The following ZFYVE9 variants were observed in gnomAD, a reference collection of about 807,000 sequenced individuals.
ZFYVE9 encodes the protein zinc finger FYVE-type containing 9.
A neutral mutation model predicts 126.7 loss-of-function variants in ZFYVE9; 43 were observed. The ratio of observed to expected loss-of-function variants is 0.34; its 90% CI spans 0.27 to 0.44. The LOEUF (loss-of-function observed/expected upper bound fraction) is 0.44, where lower values mean the gene tolerates loss of function less well. ZFYVE9 is among the 20% of genes least tolerant of loss of function. The probability of loss-of-function intolerance (pLI) is 1.00; values close to 1 mark genes in which losing one functional copy is unlikely to be tolerated. For missense variants in ZFYVE9, 1,476 were observed against 1,697.0 expected (o/e 0.87, Z 2.29); for synonymous variants, 521 against 597.4 (o/e 0.87, Z 1.87).
chr1:52,204,838 A>C (rs1406913939), intron 1 of ZFYVE9, among the ~76,000 whole-genome samples: 1 of 152,120 alleles, frequency 6.6e-6, no homozygotes, highest in Non-Finnish European at 1.5e-5. Context: ...ATGCTGTGAG[A>C]TCTAGGTCAA....
At chr1:52,181,695 C>A (rs1218531869) in intron 1 of ZFYVE9, among the ~76,000 whole-genome samples, 1 of 151,806 alleles carries the variant, frequency 6.6e-6, no homozygotes, top group Non-Finnish European at 1.5e-5. Context: ...TCTGCCCGGC[C>A]GCCCATCGTC....
intron 15 of ZFYVE9, among the ~76,000 whole-genome samples, chr1:52,336,115 CAG>C (rs1283068823): frequency 6.6e-6 from 1 of 151,014 alleles, no homozygotes; most frequent in Non-Finnish European, 1.5e-5. Context: ...GCCTGGGCGA[CAG>C]AGTGAGACTC....
intron 17 of ZFYVE9, among the ~76,000 whole-genome samples, chr1:52,343,394 C>T (rs767827229): frequency 1.5e-4 from 23 of 151,184 alleles, no homozygotes; most frequent in Non-Finnish European, 2.5e-4. Flanking sequence ...TGCAGTGAGC[C>T]GAGATCGTGC....
intron 17 of ZFYVE9, among the ~76,000 whole-genome samples, chr1:52,341,230 A>G (rs573171274): frequency 1.3e-4 from 20 of 152,380 alleles, no homozygotes; most frequent in African/African-American, 4.6e-4. Context: ...CCAAAAACAA[A>G]CAAACAAAAC....
intron 7 of ZFYVE9, among the ~76,000 whole-genome samples, chr1:52,273,910 C>T (rs1207600898): frequency 2.0e-5 from 3 of 151,538 alleles, no homozygotes; most frequent in African/African-American, 4.8e-5. Context: ...GATTTTTTTC[C>T]CTTTTTTATT....
Position 52,173,530 on chromosome 1 carries a change from G to A in ZFYVE9, c.-143+31127G>A, listed in dbSNP as rs1439596643. On this transcript the variant is annotated intron_variant, in intron 1 of 18. Transcript: ENST00000287727. ...TGCTGGCCTCATAAAATGAGTTAGGGAGGGTTCCCTCTTTTTCTGTTGATT... is the reference window on the plus strand; with the variant it reads ...TGCTGGCCTCATAAAATGAGTTAGGAAGGGTTCCCTCTTTTTCTGTTGATT... Among the ~76,000 whole-genome samples the A allele has an allele frequency of 3.9e-5, 6 of 152,288 alleles. No individual in the cohort carries two copies. The East Asian group carries it at 1.2e-3, about 29-fold the overall frequency.
At chr1:52,304,828 C>G (rs1462282776) in intron 13 of ZFYVE9, among the ~76,000 whole-genome samples, 1 of 151,504 alleles carries the variant, frequency 6.6e-6, no homozygotes, top group Non-Finnish European at 1.5e-5. Context: ...AAAATAGTAG[C>G]TAGAATGTGT....
intron 1 of ZFYVE9, among the ~76,000 whole-genome samples, chr1:52,155,992 T>C (rs1460317992): frequency 6.6e-6 from 1 of 152,192 alleles, no homozygotes; most frequent in East Asian, 1.9e-4. Context: ...ACCAAGTTCT[T>C]CAGTATGCTA....
At chr1:52,152,096 TCTC>T (rs770608614) in intron 1 of ZFYVE9, among the ~76,000 whole-genome samples, 4 of 152,114 alleles carry the variant, frequency 2.6e-5, no homozygotes, top group African/African-American at 4.8e-5. Context: ...TTCAAATAAT[TCTC>T]CTGCCTCAGC....
At chr1:52,268,719 C>T (rs1645658491) in intron 7 of ZFYVE9, 87 bp downstream of exon 7, 2 of 1,480,520 alleles carry the variant, frequency 1.4e-6, no homozygotes, top group Admixed American at 2.1e-5. Context: ...GTGTGGAACT[C>T]TGTAGGTTTT....
intron 7 of ZFYVE9, among the ~76,000 whole-genome samples, chr1:52,269,794 G>GT (rs201237685): frequency 0.019 from 2,726 of 143,816 alleles, 85 homozygotes; most frequent in East Asian, 0.12. Flanking sequence ...GTTTGTTTTG[G>GT]TTTTTTTTTT....
At chr1:52,283,637 GT>G (rs1402994163) in intron 10 of ZFYVE9, among the ~76,000 whole-genome samples, 1 of 152,152 alleles carries the variant, frequency 6.6e-6, no homozygotes, top group Non-Finnish European at 1.5e-5. Flanking sequence ...CATTTATATG[GT>G]TTTCTAAAAC....
In ZFYVE9 at chr1:52,181,852, G is replaced by GC. The variant is rs923483484; in HGVS notation, c.-142-34513dup. ...CGAGGAGCCCCTCCGCCCTGCAGCC[G>GC]CCCCGTCTGAGAAGCGAGGAGCCCC... is the stretch of plus-strand genomic sequence containing the variant. On this transcript the variant is annotated intron_variant, in intron 1 of 18. Transcript: ENST00000287727. Among the ~76,000 whole-genome samples the GC allele has an allele frequency of 5.5e-5, 8 of 145,894 alleles. 1 individual carries two copies. The highest frequency in any genetic ancestry group is 2.1e-4 in the African/African-American group (8 of 39,008).
chr1:52,198,128 T>G lies in ZFYVE9; in HGVS notation c.-142-18241T>G, dbSNP rs538131150. Among the ~76,000 whole-genome samples, 56 of 133,252 alleles carry G rather than the reference T, an allele frequency of 4.2e-4. 2 individuals are homozygous for G. The highest frequency in any genetic ancestry group is 1.4e-3 in the African/African-American group (52 of 36,614). 87.4% of individuals were successfully genotyped at this position (133,252 alleles called of 152,430 possible). The stretch of plus-strand genomic sequence containing the variant: ...TTGTAGTGTTTTTTTTTGTTTGTTT[T>G]TTTTTTTTTTTGAGATGGAGTCTCA... On this transcript the variant is annotated intron_variant, in intron 1 of 18. Transcript: ENST00000287727.
At chr1:52,324,059 CAAA>C (rs924630491) in intron 13 of ZFYVE9, among the ~76,000 whole-genome samples, 1 of 131,832 alleles carries the variant, frequency 7.6e-6, no homozygotes. Context: ...GACTCAGTCT[CAAA>C]AAAAAAAAAT....
At chr1:52,237,405 G>A (rs1645282865) in intron 3 of ZFYVE9, 83 bp from the exon 4 acceptor site, 5 of 1,206,514 alleles carry the variant, frequency 4.1e-6, no homozygotes, top group South Asian at 3.4e-5. Context: ...ATTTTCAAAC[G>A]ATAGTTAGAA....
intron 8 of ZFYVE9, among the ~76,000 whole-genome samples, 155 bp from the exon 9 acceptor site, chr1:52,278,337 A>T (rs1420136131): frequency 6.6e-6 from 1 of 152,230 alleles, no homozygotes; most frequent in Non-Finnish European, 1.5e-5. Flanking sequence ...TTAATTTGAT[A>T]CTGAGCCAGC....
intron 1 of ZFYVE9, among the ~76,000 whole-genome samples, chr1:52,175,869 G>T (rs1644622254): frequency 6.6e-6 from 1 of 152,036 alleles, no homozygotes; most frequent in Non-Finnish European, 1.5e-5. Flanking sequence ...GCACTTCTCT[G>T]TATTGGTTAT....
At chr1:52,152,803 G>A (rs1449311378) in intron 1 of ZFYVE9, among the ~76,000 whole-genome samples, 1 of 152,210 alleles carries the variant, frequency 6.6e-6, no homozygotes. Context: ...ACAGATACAT[G>A]TAAAGAGCTA....
Sources: gnomAD v4.1 joint callset for allele counts (sites outside exome capture counted in the v4.1 genomes callset) on GRCh38, gnomAD v4.1.1 for gene constraint, MANE v1.5 for transcripts, NCBI Gene and HGNC (gene_info 2026-07-23, HGNC 2026-07-21) for gene names.